Variants in TRAM1 observed in about 807,000 individuals in gnomAD.
TRAM1 encodes translocating chain-associated membrane protein 1.
A neutral mutation model predicts 48.7 loss-of-function variants in TRAM1; 17 were observed. The observed-to-expected ratio is 0.35, with a 90% CI of 0.24 to 0.52. The LOEUF is 0.52. TRAM1 is among the 20% of genes least tolerant of loss of function. The pLI is 0.94. For missense variants in TRAM1, 351 were observed against 441.5 expected, an observed-to-expected ratio of 0.79 and a Z score of 1.84; for synonymous variants, 182 against 154.0, an observed-to-expected ratio of 1.18 and a Z score of -1.34.
intron 7 of TRAM1, 41 bp from the exon 8 acceptor site, chr8:70,587,040 A>G (rs757790626): frequency 3.7e-6 from 6 of 1,611,432 alleles, no homozygotes; most frequent in Non-Finnish European, 5.1e-6. Context: ...ATTAATTATC[A>G]ATTAAGACAG....
Position 70,583,779 on chromosome 8 carries a change from G to T in TRAM1, c.761C>A (p.Ala254Glu), listed in dbSNP as rs780595141. The T allele has an allele frequency of 6.5e-7, 1 of 1,548,390 alleles. No homozygotes were observed. Among genetic ancestry groups the T allele is most frequent in the South Asian group, 1.2e-5 (1 of 81,460 alleles). ...EKYQKGFSLWAVLFVLGRLLT... is the reference protein window; with the variant it reads ...EKYQKGFSLWEVLFVLGRLLT... ...AAGTCTTCCCAAAACAAAAAGAACT[G>T]CCCACAGAGAAAATCTGCAAGAAAA... The change falls in exon 9 of 11, where the codon GCA (alanine) becomes GAA (glutamate). Residue 254 changes from alanine (A) to glutamate (E), a missense_variant. Ala to Glu is a moderately radical substitution (Grantham distance 107). Transcript: ENST00000262213.
At chr8:70,591,496 A>G (rs1817359467) in intron 6 of TRAM1, among the ~76,000 whole-genome samples, 1 of 152,324 alleles carries the variant, frequency 6.6e-6, no homozygotes, top group South Asian at 2.1e-4. Context: ...GAGAGAACAG[A>G]GAAGGCTGGG....
chr8:70,581,247 A>G (rs1004425924), intron 10 of TRAM1, among the ~76,000 whole-genome samples: 2 of 152,224 alleles, frequency 1.3e-5, no homozygotes, highest in African/African-American at 4.8e-5. Context: ...TGGAAATGTA[A>G]GAAACCCAGA....
intron 10 of TRAM1, among the ~76,000 whole-genome samples, chr8:70,577,965 T>C (rs1816994860): frequency 6.6e-6 from 1 of 152,234 alleles, no homozygotes; most frequent in African/African-American, 2.4e-5. Context: ...CAGCAGCCTG[T>C]GTGTCTGGCT....
chr8:70,578,614 C>T (rs1384857854), intron 10 of TRAM1, among the ~76,000 whole-genome samples: 1 of 152,204 alleles, frequency 6.6e-6, no homozygotes, highest in Non-Finnish European at 1.5e-5. Context: ...GCCTGGGCGA[C>T]AGAGCAAGAC....
rs397816690 is a variant in TRAM1 at position 70,595,052 on chromosome 8, T to TC, written c.486-463dup. On this transcript the variant is annotated intron_variant, in intron 5 of 10. Transcript: ENST00000262213. ...AAATATCCTCTGTTTTTTTTTTTTT[T>TC]CTTAGGCAAATATGGTAACTGTACC... Among the ~76,000 whole-genome samples the TC allele has an allele frequency of 4.2e-4, 63 of 150,782 alleles. No homozygotes were observed. In the East Asian group the frequency reaches 0.012, roughly 29 times the overall value.
intron 1 of TRAM1, among the ~76,000 whole-genome samples, chr8:70,604,368 A>C (rs968871525): frequency 6.6e-5 from 10 of 152,214 alleles, no homozygotes; most frequent in African/African-American, 2.4e-4. Flanking sequence ...ATCCTTGAAA[A>C]GTAAAGACAA....
chr8:70,607,781 G>A (rs1419113923), intron 1 of TRAM1: 3 of 220,486 alleles, frequency 1.4e-5, no homozygotes, highest in Non-Finnish European at 2.6e-5. Context: ...GAACTGCGCC[G>A]CGCAGCCTGC....
At chr8:70,590,141 T>TA (rs34326193) in intron 6 of TRAM1, among the ~76,000 whole-genome samples, 1,748 of 139,844 alleles carry the variant, frequency 0.012, 29 homozygotes, top group Admixed American at 0.032. Context: ...TAAGGCAATG[T>TA]AAAAAAAAAA....
intron 3 of TRAM1, 37 bp downstream of exon 3, chr8:70,598,097 C>CT: frequency 6.3e-7 from 1 of 1,592,084 alleles, no homozygotes; most frequent in South Asian, 1.2e-5. Flanking sequence ...AGAGCTAGTA[C>CT]TTTATAAAGT....
chr8:70,586,838 T>C (rs1180136031), intron 8 of TRAM1, 57 bp downstream of exon 8: 1 of 1,416,610 alleles, frequency 7.1e-7, no homozygotes, highest in Non-Finnish European at 9.9e-7. Context: ...CTTGGCAATG[T>C]TAGGCACTGA....
rs1207944516 is a variant in TRAM1, at chr8:70,574,801, C to T, written c.*131G>A. 1.0e-5 allele frequency: 7 copies of T among 670,492 alleles called. No individual in the cohort carries two copies. The highest frequency in any genetic ancestry group is 9.9e-6 in the Non-Finnish European group (4 of 405,236). The allele number at this position is 670,492 out of a possible 1,614,324, so 41.5% of individuals were successfully genotyped here. ...CCCTCAAATGCCCTTTAAAAAAATG[C>T]ATGAAACCGTACAATAGCAAAAATC... On this transcript the variant is annotated 3_prime_UTR_variant, in exon 11 of 11. Coordinates refer to ENST00000262213, the MANE Select transcript of TRAM1 (RefSeq NM_014294.6).
At chr8:70,606,100 T>C (rs554556352) in intron 1 of TRAM1, among the ~76,000 whole-genome samples, 13 of 152,174 alleles carry the variant, frequency 8.5e-5, no homozygotes, top group South Asian at 2.1e-4. Flanking sequence ...TTACAGAAAA[T>C]TGAATATACT....
chr8:70,580,374 C>G (rs1256654426), intron 10 of TRAM1, among the ~76,000 whole-genome samples: 1 of 152,074 alleles, frequency 6.6e-6, no homozygotes, highest in Non-Finnish European at 1.5e-5. Context: ...TGAAATTTAT[C>G]CCAGGAATGC....
intron 8 of TRAM1, among the ~76,000 whole-genome samples, 192 bp from the exon 9 acceptor site, chr8:70,583,985 C>T (rs1817144796): frequency 6.6e-6 from 1 of 151,952 alleles, no homozygotes; most frequent in Non-Finnish European, 1.5e-5. Flanking sequence ...TGCACTCCAG[C>T]CTGGGCAACA....
At chr8:70,607,284 C>G (rs570023342) in intron 1 of TRAM1, 86 of 985,208 alleles carry the variant, frequency 8.7e-5, no homozygotes, top group Middle Eastern at 5.2e-4. Flanking sequence ...CCTGACATTC[C>G]CATCCTCTCC....
Position 70,608,220 on chromosome 8 carries a change from C to A in TRAM1, c.-21G>T. 1 of 1,578,514 alleles carries A rather than the reference C, an allele frequency of 6.3e-7. No homozygotes were observed. ...GCCATGGTGGGGCCGCCGCCCGCGC[C>A]TGCAGGTGCTCCGCCCCGGTTCTGC... On this transcript the variant is annotated 5_prime_UTR_variant, in exon 1 of 11. It adds an upstream start codon to the 5' untranslated region. Transcript: ENST00000262213.
At position 70,598,144 on chromosome 8, in the gene TRAM1, T is replaced by G; in HGVS notation, c.299A>C (p.Tyr100Ser). 1 of 1,612,638 alleles carries G rather than the reference T, an allele frequency of 6.2e-7. No individual in the cohort carries two copies. The highest frequency in any genetic ancestry group is 8.5e-7 in the Non-Finnish European group (1 of 1,179,292). Residue 100 changes from tyrosine (Y) to serine (S), a missense_variant, in exon 3 of 11, where the codon TAT becomes TCT. Coordinates refer to ENST00000262213, the MANE Select transcript of TRAM1 (RefSeq NM_014294.6). ...AGACTGCATACTTACATCCAACATA[T>G]ACTCTTGAATTACGGCATGAATAAT... is the stretch of plus-strand genomic sequence containing the variant. ...AIIIHAVIQE[Y>S]MLDKINRRMH...
chr8:70,594,599 C>T lies in TRAM1; in HGVS notation c.486-9G>A. ...AAAACTTCATTTGAAATCTGTACAACACAAGAAAATGAAGAGTACCTTTTA... is the reference window on the plus strand; with the variant it reads ...AAAACTTCATTTGAAATCTGTACAATACAAGAAAATGAAGAGTACCTTTTA... On this transcript the variant is annotated splice_polypyrimidine_tract_variant and intron_variant, in intron 5 of 10. Transcript: ENST00000262213. The T allele has an allele frequency of 6.4e-7, 1 of 1,570,074 alleles. No homozygotes were observed. Among genetic ancestry groups the T allele is most frequent in the Non-Finnish European group, 8.6e-7 (1 of 1,162,350 alleles).
Sources: allele counts gnomAD v4.1 joint callset (sites outside exome capture counted in the v4.1 genomes callset), GRCh38; gene constraint gnomAD v4.1.1; transcripts MANE v1.5; gene names NCBI Gene and HGNC (gene_info 2026-07-23, HGNC 2026-07-21).